Variants in MINAR1 observed in about 807,000 individuals in gnomAD.
MINAR1 encodes membrane integral NOTCH2 associated receptor 1, also known as major intrinsically disordered Notch2-binding receptor 1.
Under a neutral mutation model 65.1 loss-of-function variants are expected in MINAR1, and 40 were observed. That is an observed-to-expected ratio of 0.61 (90% CI 0.48 to 0.80). The LOEUF (loss-of-function observed/expected upper bound fraction) is 0.80, where lower values mean the gene tolerates loss of function less well. Among genes scored for constraint, MINAR1 ranks in the 30% least tolerant of loss-of-function variants. MINAR1 has a pLI of 0.00. For synonymous variants in MINAR1, 482 were observed against 449.1 expected, an observed-to-expected ratio of 1.07 and a Z score of -0.93; for missense variants, 1,128 against 1,148.0, an observed-to-expected ratio of 0.98 and a Z score of 0.25.
chr15:79,428,613 C>G (rs1166552710), upstream of MINAR1, among the ~76,000 whole-genome samples: 1 of 151,854 alleles, frequency 6.6e-6, no homozygotes, highest in Admixed American at 6.6e-5. Context: ...CTTCCACTTT[C>G]CATTTATCTC....
At chr15:79,452,488 G>C (rs1895246264) in intron 1 of MINAR1, among the ~76,000 whole-genome samples, 1 of 150,606 alleles carries the variant, frequency 6.6e-6, no homozygotes, top group South Asian at 2.1e-4. Flanking sequence ...GTGTGGATTT[G>C]AGTCTGAGTG....
intron 1 of MINAR1, among the ~76,000 whole-genome samples, chr15:79,435,179 G>A (rs1482254320): frequency 6.6e-6 from 1 of 152,098 alleles, no homozygotes; most frequent in Non-Finnish European, 1.5e-5. Flanking sequence ...GGGAGGCTGA[G>A]GTAGGAGAAT....
At chr15:79,451,115 C>T (rs374246243) in intron 1 of MINAR1, among the ~76,000 whole-genome samples, 36 of 152,256 alleles carry the variant, frequency 2.4e-4, no homozygotes, top group African/African-American at 8.4e-4. Flanking sequence ...TTTCACAAAC[C>T]TCATCCCTCC....
the MINAR1 span, chr15:79,414,009 G>A: frequency 3.3e-4 from 50 of 152,294 alleles, no homozygotes; most frequent in African/African-American, 1.1e-3. Context: ...GGGAGGTGGG[G>A]TATGTATTTA....
At chr15:79,417,565 C>A in the MINAR1 span, 1 of 152,328 alleles carries the variant, frequency 6.6e-6, no homozygotes. Flanking sequence ...CTGGCCATCT[C>A]CTGTGTCTTC....
At chr15:79,447,725 C>A (rs1037199864) in intron 1 of MINAR1, among the ~76,000 whole-genome samples, 1 of 152,138 alleles carries the variant, frequency 6.6e-6, no homozygotes, top group South Asian at 2.1e-4. Flanking sequence ...AGAGTTCTTG[C>A]ACACCGTGAC....
intron 1 of MINAR1, among the ~76,000 whole-genome samples, chr15:79,436,793 A>C (rs1350484451): frequency 6.6e-6 from 1 of 152,234 alleles, no homozygotes; most frequent in Non-Finnish European, 1.5e-5. Flanking sequence ...CCATGCCCTT[A>C]GCCAATGGGA....
chr15:79,425,136 T>C, the MINAR1 span: 2 of 152,114 alleles, frequency 1.3e-5, no homozygotes, highest in South Asian at 4.2e-4. Flanking sequence ...GCCTCTCAGG[T>C]TCAAGCTATT....
chr15:79,454,818 T>G (rs1895354927), intron 1 of MINAR1, among the ~76,000 whole-genome samples: 1 of 152,180 alleles, frequency 6.6e-6, no homozygotes, highest in African/African-American at 2.4e-5. Context: ...AACATTCTAG[T>G]TCTTTATAGG....
Position 79,457,469 on chromosome 15 carries a change from C to T in MINAR1, c.1322C>T (p.Ser441Leu). 1 of 1,614,202 alleles carries T rather than the reference C, an allele frequency of 6.2e-7. No individual in the cohort carries two copies. Among genetic ancestry groups the T allele is most frequent in the African/African-American group, 1.3e-5 (1 of 75,042 alleles). The part of the protein sequence containing the change: ...KQNGLKSKEI[S>L]SPVDLEKHEP... ...AATGGGCTCAAATCTAAAGAGATCT[C>T]ATCCCCTGTTGACCTGGAGAAGCAT... The change falls in exon 2 of 4, where the codon TCA becomes TTA. Residue 441 changes from serine (S) to leucine (L), a missense_variant. Coordinates refer to ENST00000305428, the MANE Select transcript of MINAR1 (RefSeq NM_015206.3).
At chr15:79,445,460 T>C (rs1043230706) in intron 1 of MINAR1, among the ~76,000 whole-genome samples, 1 of 152,230 alleles carries the variant, frequency 6.6e-6, no homozygotes, top group Non-Finnish European at 1.5e-5. Flanking sequence ...GATGCCATTT[T>C]GCCTGTAACA....
chr15:79,467,066 A>G (rs1432339817), intron 3 of MINAR1, among the ~76,000 whole-genome samples: 2 of 152,238 alleles, frequency 1.3e-5, no homozygotes, highest in African/African-American at 4.8e-5. Context: ...TCCTAGGGGC[A>G]CAGAGCAAGA....
At chr15:79,452,280 G>A (rs1195227382) in intron 1 of MINAR1, among the ~76,000 whole-genome samples, 1 of 152,108 alleles carries the variant, frequency 6.6e-6, no homozygotes, top group African/African-American at 2.4e-5. Flanking sequence ...TTAGGTCTGT[G>A]TGAGTGTGAA....
At chr15:79,434,926 C>T (rs976609531) in intron 1 of MINAR1, among the ~76,000 whole-genome samples, 2 of 152,038 alleles carry the variant, frequency 1.3e-5, no homozygotes, top group African/African-American at 4.8e-5. Flanking sequence ...GATTTGTTTC[C>T]CCTCTTTTTC....
Position 79,456,620 on chromosome 15 carries a change from G to A in MINAR1, c.473G>A (p.Cys158Tyr), listed in dbSNP as rs765527357. Residue 158 changes from cysteine to tyrosine, a missense_variant, in exon 2 of 4, where the codon TGC becomes TAC. Transcript: ENST00000305428. ...TACCCCATCAGGCAGTCGTCCAAGT[G>A]CCGGAAGATGGACTGCAAGGACTGC... ...RGYPIRQSSK[C>Y]RKMDCKDCPQ... The A allele has an allele frequency of 2.6e-5, 42 of 1,614,058 alleles. No homozygotes were observed. Among genetic ancestry groups the A allele is most frequent in the African/African-American group, 5.3e-5 (4 of 74,920 alleles).
At chr15:79,460,683 G>C (rs1013531959) in intron 2 of MINAR1, among the ~76,000 whole-genome samples, 1 of 152,112 alleles carries the variant, frequency 6.6e-6, no homozygotes, top group Non-Finnish European at 1.5e-5. Context: ...TGGTTGCGCA[G>C]GGCCCCCTAT....
At chr15:79,425,516 G>A in the MINAR1 span, 1 of 152,114 alleles carries the variant, frequency 6.6e-6, no homozygotes, top group Non-Finnish European at 1.5e-5. Flanking sequence ...TCAAACCATG[G>A]ACAAAGCTCC....
At chr15:79,464,006 C>T (rs552942314) in intron 3 of MINAR1, among the ~76,000 whole-genome samples, 70 of 152,330 alleles carry the variant, frequency 4.6e-4, no homozygotes, top group African/African-American at 1.4e-3. Flanking sequence ...GTGCCCGTTC[C>T]GTCCAGGCTC....
chr15:79,432,837 A>G (rs62025065), intron 1 of MINAR1, among the ~76,000 whole-genome samples: 2 of 151,756 alleles, frequency 1.3e-5, no homozygotes, highest in South Asian at 2.1e-4. Flanking sequence ...GAAGATGATC[A>G]TGCAGTTTGG....
Sources: allele counts gnomAD v4.1 joint callset (sites outside exome capture counted in the v4.1 genomes callset), GRCh38; gene constraint gnomAD v4.1.1; transcripts MANE v1.5; gene names NCBI Gene and HGNC (gene_info 2026-07-23, HGNC 2026-07-21).